The following GALNT9 variants were observed in gnomAD, a reference collection of about 807,000 sequenced individuals.
GALNT9 encodes the protein GalNAc transferase 9.
Under a neutral mutation model 63.1 loss-of-function variants are expected in GALNT9, and 47 were observed. That is an observed-to-expected ratio of 0.75 (90% confidence interval 0.59 to 0.95). GALNT9 has a LOEUF of 0.95. GALNT9 is among the 40% of genes least tolerant of loss of function. The pLI is 0.00. For missense variants in GALNT9, 829 were observed against 874.8 expected, an observed-to-expected ratio of 0.95 and a Z score of 0.66; for synonymous variants, 396 against 365.7, an observed-to-expected ratio of 1.08 and a Z score of -0.94.
intron 8 of GALNT9, chr12:132,200,665 T>G: frequency 6.3e-6 from 1 of 158,326 alleles, no homozygotes; most frequent in Non-Finnish European, 1.4e-5. Flanking sequence ...CGCGTGCTCT[T>G]GTACATATGA....
intron 6 of GALNT9, among the ~76,000 whole-genome samples, chr12:132,212,978 C>T (rs181547308): frequency 3.5e-3 from 510 of 145,894 alleles, no homozygotes; most frequent in African/African-American, 0.013. Context: ...AAACCCCACC[C>T]GGGTCTACAG....
rs1430432938 is a variant in GALNT9, at chr12:132,253,232, A to C, written c.959+4457T>G. Among the ~76,000 whole-genome samples, 3 of 152,262 alleles carry C rather than the reference A, an allele frequency of 2.0e-5. No individual in the cohort carries two copies. The East Asian group carries it at 5.8e-4, about 29-fold the overall frequency. ...CAAGGAGTGTGACCATTGAAGCACC[A>C]CAGGGAGGGGTTTAGGCCTCCGGAT... is the stretch of plus-strand genomic sequence containing the variant. On this transcript the variant is annotated intron_variant, in intron 5 of 10. Transcript: ENST00000328957.
At chr12:132,303,350 G>T in intron 1 of GALNT9, among the ~76,000 whole-genome samples, 1 of 151,256 alleles carries the variant, frequency 6.6e-6, no homozygotes, top group African/African-American at 2.4e-5. Flanking sequence ...AAAAACGGAA[G>T]CAGAGGAGAG....
intron 4 of GALNT9, among the ~76,000 whole-genome samples, chr12:132,258,124 C>T (rs1879211716): frequency 6.6e-6 from 1 of 152,206 alleles, no homozygotes; most frequent in African/African-American, 2.4e-5. Flanking sequence ...CCACTGGCCC[C>T]TGGGGGACGC....
intron 1 of GALNT9, among the ~76,000 whole-genome samples, chr12:132,294,336 G>A (rs1241968086): frequency 6.6e-6 from 1 of 152,214 alleles, no homozygotes; most frequent in South Asian, 2.1e-4. Flanking sequence ...ATGGTGTGAG[G>A]CTCCTCCGTG....
In GALNT9 at chr12:132,282,534, GA is replaced by G. The variant is rs1223284602; in HGVS notation, c.419+3715del. Among the ~76,000 whole-genome samples, 44 of 152,362 alleles carry G rather than the reference GA, an allele frequency of 2.9e-4. No individual in the cohort carries two copies. The highest frequency in any genetic ancestry group is 1.0e-3 in the African/African-American group (42 of 41,594). On this transcript the variant is annotated intron_variant, in intron 2 of 10. Coordinates refer to ENST00000328957, the MANE Select transcript of GALNT9 (RefSeq NM_001122636.2). This position sits in a 1 kb window ranked among gnomAD's most constrained non-coding sequence, Gnocchi z 4.5. ...GGGAACAGCTGGATCTAGGTGTTCA[GA>G]CACTGGCCCCTTCTTGGGTTTCGTG...
intron 4 of GALNT9, among the ~76,000 whole-genome samples, chr12:132,258,432 A>G (rs115496593): frequency 7.2e-5 from 11 of 152,302 alleles, no homozygotes; most frequent in African/African-American, 2.6e-4. Flanking sequence ...GCCACCAGGC[A>G]CCGTTGTGCA....
intron 1 of GALNT9, among the ~76,000 whole-genome samples, chr12:132,294,899 T>C (rs1435421555): frequency 6.6e-6 from 1 of 152,234 alleles, no homozygotes; most frequent in African/African-American, 2.4e-5. Flanking sequence ...CTGTCTCTTA[T>C]CTCCAGCGTG....
chr12:132,288,806 C>T (rs1555242447), intron 1 of GALNT9, among the ~76,000 whole-genome samples: 2 of 150,290 alleles, frequency 1.3e-5, no homozygotes, highest in Admixed American at 6.6e-5. Context: ...TTGGAACCGG[C>T]AGGAGGGTGG....
At chr12:132,224,554 C>G (rs1168858346) in intron 6 of GALNT9, among the ~76,000 whole-genome samples, 9 of 131,116 alleles carry the variant, frequency 6.9e-5, no homozygotes, top group African/African-American at 3.0e-4. Flanking sequence ...ACAACCCACA[C>G]CCCACACAAC....
intron 8 of GALNT9, among the ~76,000 whole-genome samples, chr12:132,200,218 C>T (rs989600387): frequency 5.9e-5 from 9 of 152,198 alleles, no homozygotes; most frequent in South Asian, 2.1e-4. Flanking sequence ...GACCCTTTTC[C>T]TTGCCCCATC....
chr12:132,214,036 G>A (rs562463878), intron 6 of GALNT9, among the ~76,000 whole-genome samples: 41 of 152,308 alleles, frequency 2.7e-4, no homozygotes, highest in African/African-American at 9.9e-4. Flanking sequence ...CAGGCGTGGG[G>A]ATGGGGGTCT....
At chr12:132,225,587 A>T (rs1877638893) in intron 6 of GALNT9, among the ~76,000 whole-genome samples, 1 of 132,076 alleles carries the variant, frequency 7.6e-6, no homozygotes, top group African/African-American at 2.9e-5. Context: ...CCCACACACC[A>T]CATTCTATAT....
chr12:132,269,607 A>G lies in GALNT9; in HGVS notation c.420-6982T>C, dbSNP rs183334279. Among the ~76,000 whole-genome samples, 172 of 152,328 alleles carry G rather than the reference A, an allele frequency of 1.1e-3. 3 individuals carry two copies. Among genetic ancestry groups the G allele is most frequent in the Admixed American group, 0.011 (162 of 15,306 alleles). ...TAGGAAGCTGGGCCCATGGTCAGAC[A>G]TGGTTTCAGCTCAAATACCAGAAGT... On this transcript the variant is annotated intron_variant, in intron 2 of 10. Coordinates refer to ENST00000328957, the MANE Select transcript of GALNT9 (RefSeq NM_001122636.2).
intron 5 of GALNT9, among the ~76,000 whole-genome samples, chr12:132,254,568 A>G (rs1879044125): frequency 6.6e-6 from 1 of 152,190 alleles, no homozygotes; most frequent in South Asian, 2.1e-4. Context: ...GTGATCCTCC[A>G]GTGAGTGGGG....
At chr12:132,283,543 C>T (rs1880449667) in intron 2 of GALNT9, 1 of 152,322 alleles carries the variant, frequency 6.6e-6, no homozygotes, top group Non-Finnish European at 1.5e-5. Context: ...CCTTGGCAGC[C>T]CCAGCTGGTC....
At chr12:132,211,741 C>A (rs913416912) in intron 6 of GALNT9, among the ~76,000 whole-genome samples, 20 of 152,202 alleles carry the variant, frequency 1.3e-4, no homozygotes, top group Admixed American at 8.5e-4. Context: ...CCTTCAAGAG[C>A]ATTTGTGGGA....
chr12:132,200,132 C>T (rs371125032), intron 8 of GALNT9, among the ~76,000 whole-genome samples: 3 of 152,196 alleles, frequency 2.0e-5, no homozygotes, highest in Non-Finnish European at 4.4e-5. Flanking sequence ...ACCTCTGTGC[C>T]CAAGGGACTG....
chr12:132,292,639 C>T (rs752685734), intron 1 of GALNT9, among the ~76,000 whole-genome samples: 8 of 152,306 alleles, frequency 5.3e-5, no homozygotes, highest in South Asian at 4.1e-4. Context: ...AGGAAAGTCT[C>T]GAGGCCCCAC....
Sources: gnomAD v4.1 joint callset for allele counts (sites outside exome capture counted in the v4.1 genomes callset) on GRCh38, gnomAD v4.1.1 for gene constraint, Gnocchi (gnomAD v3.1) non-coding constraint, MANE v1.5 for transcripts, NCBI Gene and HGNC (gene_info 2026-07-23, HGNC 2026-07-21) for gene names.